IFI27L1: variants seen among roughly 807,000 people sequenced by gnomAD.
IFI27L1 encodes the protein interferon alpha-inducible protein 27-like protein 1.
Under a neutral mutation model 9.2 loss-of-function variants are expected in IFI27L1, and 3 were observed. That is an observed-to-expected ratio of 0.32 (90% CI 0.15 to 0.84). The LOEUF is 0.84. Ranked by LOEUF, IFI27L1 falls within the 40% of genes least tolerant of loss-of-function variation. The pLI, the probability that IFI27L1 is intolerant of heterozygous loss-of-function variation, is 0.56. For synonymous variants in IFI27L1, 53 were observed against 50.0 expected (o/e 1.06, Z -0.26); for missense variants, 133 against 134.2 (o/e 0.99, Z 0.05).
chr14:94,092,085 C>T (rs1886497141), intron 1 of IFI27L1, among the ~76,000 whole-genome samples: 2 of 150,992 alleles, frequency 1.3e-5, no homozygotes, highest in East Asian at 1.9e-4. Context: ...GAGATTGCAC[C>T]ACTGCACTCT....
intron 1 of IFI27L1, among the ~76,000 whole-genome samples, chr14:94,085,572 T>C (rs1476746105): frequency 1.3e-5 from 2 of 152,192 alleles, no homozygotes; most frequent in Non-Finnish European, 1.5e-5. Context: ...CAGTGTTAAG[T>C]AGTTGTTTTA....
At chr14:94,093,754 GT>G (rs55908125) in intron 1 of IFI27L1, among the ~76,000 whole-genome samples, 44,114 of 151,994 alleles carry the variant, frequency 0.29, 6,773 homozygotes, top group East Asian at 0.51. Context: ...ATGTACTATT[GT>G]TTTTTGCATT....
chr14:94,085,258 G>C (rs537428197), intron 1 of IFI27L1, among the ~76,000 whole-genome samples: 3 of 152,208 alleles, frequency 2.0e-5, no homozygotes, highest in Non-Finnish European at 4.4e-5. Context: ...CTAGAAGGGT[G>C]GGGGAATCAG....
chr14:94,096,031 G>A (rs1886652650), intron 1 of IFI27L1, among the ~76,000 whole-genome samples: 1 of 152,182 alleles, frequency 6.6e-6, no homozygotes, highest in Non-Finnish European at 1.5e-5. Context: ...TCTTCCTGGA[G>A]AATATGTAAG....
At chr14:94,094,329 T>C (rs570836534) in intron 1 of IFI27L1, among the ~76,000 whole-genome samples, 1 of 152,228 alleles carries the variant, frequency 6.6e-6, no homozygotes, top group Admixed American at 6.5e-5. Context: ...CTTTTTTCTC[T>C]CTAAAGGCGG....
intron 1 of IFI27L1, among the ~76,000 whole-genome samples, chr14:94,084,008 A>T (rs754254613): frequency 2.0e-5 from 3 of 152,254 alleles, no homozygotes; most frequent in Non-Finnish European, 2.9e-5. Flanking sequence ...AACCAAAAGC[A>T]AAATGATGGC....
chr14:94,083,058 T>C (rs1365588345), intron 1 of IFI27L1, among the ~76,000 whole-genome samples: 1 of 152,240 alleles, frequency 6.6e-6, no homozygotes, highest in South Asian at 2.1e-4. Context: ...AGAACATTTG[T>C]GATTCATGGG....
At chr14:94,089,679 T>C (rs1334470955) in intron 1 of IFI27L1, among the ~76,000 whole-genome samples, 1 of 152,190 alleles carries the variant, frequency 6.6e-6, no homozygotes, top group Non-Finnish European at 1.5e-5. Flanking sequence ...AGCCTTATTT[T>C]ACCCAGCTCT....
chr14:94,088,587 C>A lies in IFI27L1; in HGVS notation c.-52+7138C>A, dbSNP rs572310994. On this transcript the variant is annotated intron_variant, in intron 1 of 4. Transcript: ENST00000555523. The stretch of plus-strand genomic sequence containing the variant: ...CGATCTCAGCTCACTGCAAGCTCCA[C>A]CCCCTGGAACAATCTTATAGTCACC... 4.0e-5 allele frequency among the ~76,000 whole-genome samples: 6 copies of A among 151,834 alleles called. No individual in the cohort carries two copies. In the South Asian group the frequency reaches 1.3e-3, roughly 32 times the overall value.
chr14:94,097,812 G>A (rs1472271547), intron 2 of IFI27L1: 3 of 642,218 alleles, frequency 4.7e-6, no homozygotes, highest in Non-Finnish European at 8.4e-6. Flanking sequence ...GCTGTTGGAG[G>A]GACAGCTTCC....
chr14:94,089,472 A>G (rs117299001), intron 1 of IFI27L1, among the ~76,000 whole-genome samples: 2,445 of 152,250 alleles, frequency 0.016, 37 homozygotes, highest in Non-Finnish European at 0.027. Context: ...ATGCATTATA[A>G]TTAGTATATA....
At chr14:94,092,758 A>G (rs1023376082) in intron 1 of IFI27L1, among the ~76,000 whole-genome samples, 51 of 152,276 alleles carry the variant, frequency 3.3e-4, no homozygotes, top group Admixed American at 2.0e-3. Flanking sequence ...TGTAGCTCCC[A>G]TAATTCTGAT....
intron 1 of IFI27L1, among the ~76,000 whole-genome samples, chr14:94,093,274 C>G (rs773024823): frequency 2.0e-5 from 3 of 149,422 alleles, no homozygotes; most frequent in Non-Finnish European, 4.4e-5. Context: ...TCACGCCATT[C>G]TCCTGCCTCA....
intron 1 of IFI27L1, among the ~76,000 whole-genome samples, chr14:94,088,580 A>C (rs1886364122): frequency 6.6e-6 from 1 of 150,728 alleles, no homozygotes; most frequent in Non-Finnish European, 1.5e-5. Context: ...GCTCACTGCA[A>C]GCTCCACCCC....
At chr14:94,097,803 C>A in intron 2 of IFI27L1, 1 of 649,426 alleles carries the variant, frequency 1.5e-6, no homozygotes, top group Non-Finnish European at 2.8e-6. Context: ...GGCTGGGCAG[C>A]TGTTGGAGGG....
At position 94,101,020 on chromosome 14, in the gene IFI27L1, C is replaced by T. The variant is rs912051154; in HGVS notation, c.61+249C>T. 20 of 599,500 alleles carry T rather than the reference C, an allele frequency of 3.3e-5. 1 individual carries two copies. In the East Asian group the frequency reaches 5.0e-4, roughly 15 times the overall value. 37.1% of individuals were successfully genotyped at this position (599,500 alleles called of 1,614,324 possible). A position where few individuals can be genotyped will look rare whatever the true frequency, so the allele number is the denominator to read the frequency against. The stretch of plus-strand genomic sequence containing the variant: ...TCCACCAAGTACAAACCATGCAACC[C>T]CGGATGAGTCATTGGAGCAGTCACA... On this transcript the variant is annotated intron_variant, in intron 3 of 4. Coordinates refer to ENST00000555523, the MANE Select transcript of IFI27L1 (RefSeq NM_206949.3).
At chr14:94,100,885 T>A in intron 3 of IFI27L1, 114 bp downstream of exon 3, 1 of 1,191,860 alleles carries the variant, frequency 8.4e-7, no homozygotes, top group Non-Finnish European at 1.2e-6. Flanking sequence ...CATAGCTGGG[T>A]AGCGGTGGAG....
chr14:94,101,399 A>G (rs978441167), intron 3 of IFI27L1: 6 of 242,428 alleles, frequency 2.5e-5, no homozygotes, highest in African/African-American at 1.3e-4. Context: ...GTGCTGCTGC[A>G]GGGCCTTCAG....
At chr14:94,085,002 A>T (rs1886235726) in intron 1 of IFI27L1, among the ~76,000 whole-genome samples, 1 of 152,208 alleles carries the variant, frequency 6.6e-6, no homozygotes, top group Admixed American at 6.5e-5. Context: ...TGTGGGGGAA[A>T]AAAAAAAGTA....
Sources: allele counts gnomAD v4.1 joint callset (sites outside exome capture counted in the v4.1 genomes callset), GRCh38; gene constraint gnomAD v4.1.1; transcripts MANE v1.5; gene names NCBI Gene and HGNC (gene_info 2026-07-23, HGNC 2026-07-21).